RBAK: variants seen among roughly 807,000 people sequenced by gnomAD.
RBAK encodes the protein RB associated KRAB zinc finger.
Under a neutral mutation model 65.8 loss-of-function variants are expected in RBAK, and 39 were observed. That is an observed-to-expected ratio of 0.59 (90% confidence interval 0.46 to 0.77). RBAK has a LOEUF of 0.77. Ranked by LOEUF, RBAK falls within the 30% of genes least tolerant of loss-of-function variation. The pLI is 0.00. For missense variants in RBAK, 884 were observed against 855.1 expected (o/e 1.03, Z -0.42); for synonymous variants, 343 against 289.7 (o/e 1.18, Z -1.87).
intron 1 of RBAK, 57 bp from the exon 2 acceptor site, chr7:5,047,976 C>G (rs1303915875): frequency 1.1e-5 from 10 of 899,338 alleles, no homozygotes; most frequent in Non-Finnish European, 1.5e-5. Flanking sequence ...GCAGGAGATT[C>G]CTGCCTTTGC....
At chr7:5,059,422 G>T (rs908694018) in intron 4 of RBAK, among the ~76,000 whole-genome samples, 4 of 151,768 alleles carry the variant, frequency 2.6e-5, no homozygotes, top group Non-Finnish European at 5.9e-5. Flanking sequence ...CCAGGTTCAA[G>T]CGATTCCCCT....
Position 5,064,646 on chromosome 7 carries a change from G to A in RBAK, c.1190G>A (p.Gly397Glu). ...AGTGACCATCAGAGAACTCACACGG[G>A]AGAGAAGCTTTATAAATGTAATGAA... ...ALSDHQRTHTGEKLYKCNECG... is the reference protein window; with the variant it reads ...ALSDHQRTHTEEKLYKCNECG... Residue 397 changes from glycine to glutamate, a missense_variant, in exon 5 of 5, where the codon GGA becomes GAA. Physicochemically the swap from Gly to Glu is moderately conservative, Grantham distance 98 (BLOSUM62 -2). Coordinates refer to ENST00000396912, the MANE Select transcript of RBAK (RefSeq NM_021163.4). The surrounding 1 kb of genome is among the most constrained non-coding windows in gnomAD (Gnocchi z 6.3). The A allele has an allele frequency of 6.2e-7, 1 of 1,611,968 alleles. No individual in the cohort carries two copies. The highest frequency in any genetic ancestry group is 8.5e-7 in the Non-Finnish European group (1 of 1,178,426).
Position 5,046,167 on chromosome 7 carries a change from G to C in RBAK, c.-274G>C. On this transcript the variant is annotated 5_prime_UTR_variant, in exon 1 of 5. Coordinates refer to ENST00000396912, the MANE Select transcript of RBAK (RefSeq NM_021163.4). ...GGGCCTGGCCCGTGTGTGTCCTGGC[G>C]GCCTGGCCCAGGCTGCCGCTGTACG... is the stretch of plus-strand genomic sequence containing the variant. 1 of 430,914 alleles carries C rather than the reference G, an allele frequency of 2.3e-6. No individual in the cohort carries two copies. The highest frequency in any genetic ancestry group is 7.7e-4 in the Middle Eastern group (1 of 1,300). The allele number at this position is 430,914 out of a possible 1,614,324, so 26.7% of individuals were successfully genotyped here. A position where few individuals can be genotyped will look rare whatever the true frequency, so the allele number is the denominator to read the frequency against.
intron 2 of RBAK, among the ~76,000 whole-genome samples, chr7:5,053,606 G>T (rs191875138): frequency 6.6e-6 from 1 of 152,146 alleles, no homozygotes; most frequent in East Asian, 1.9e-4. Flanking sequence ...TGTATATTAG[G>T]CCACTTGAAA....
chr7:5,058,874 AC>A (rs1478675642), intron 4 of RBAK, among the ~76,000 whole-genome samples: 1 of 152,090 alleles, frequency 6.6e-6, no homozygotes. Context: ...ACCTTCTAAG[AC>A]CTTTTTTCCT....
At chr7:5,056,140 C>G (rs1437686553) in intron 2 of RBAK, among the ~76,000 whole-genome samples, 2 of 140,404 alleles carry the variant, frequency 1.4e-5, no homozygotes, top group African/African-American at 5.4e-5. Flanking sequence ...CAAGGTCTCA[C>G]TCTGTTGCCT....
intron 2 of RBAK, among the ~76,000 whole-genome samples, chr7:5,055,016 G>A (rs1048192360): frequency 6.6e-6 from 1 of 151,610 alleles, no homozygotes; most frequent in Non-Finnish European, 1.5e-5. Flanking sequence ...TCCTGACCTC[G>A]GGTGATCTGC....
intron 2 of RBAK, among the ~76,000 whole-genome samples, chr7:5,052,523 G>C (rs1386806641): frequency 2.0e-5 from 3 of 152,048 alleles, no homozygotes; most frequent in Non-Finnish European, 4.4e-5. Context: ...CTATCACACT[G>C]TTTTGTTATT....
At chr7:5,052,867 C>T (rs1014366867) in intron 2 of RBAK, among the ~76,000 whole-genome samples, 1 of 152,134 alleles carries the variant, frequency 6.6e-6, no homozygotes, top group Admixed American at 6.5e-5. Flanking sequence ...TCAAGTGATT[C>T]TCCTGCCTCA....
At chr7:5,053,447 A>G (rs1159015497) in intron 2 of RBAK, among the ~76,000 whole-genome samples, 1 of 151,942 alleles carries the variant, frequency 6.6e-6, no homozygotes, top group Non-Finnish European at 1.5e-5. Flanking sequence ...TTTGATTGCA[A>G]TATGTCATGG....
At position 5,064,006 on chromosome 7, in the gene RBAK, G is replaced by T. The variant is rs200723054; in HGVS notation, c.550G>T (p.Gly184Trp). 3.1e-6 allele frequency: 5 copies of T among 1,613,702 alleles called. No homozygotes were observed. The highest frequency in any genetic ancestry group is 4.2e-6 in the Non-Finnish European group (5 of 1,179,884). Residue 184 changes from glycine (G) to tryptophan (W), a missense_variant, in exon 5 of 5, where the codon GGG (glycine) becomes TGG (tryptophan). Coordinates refer to ENST00000396912, the MANE Select transcript of RBAK (RefSeq NM_021163.4). This position sits in a 1 kb window ranked among gnomAD's most constrained non-coding sequence, Gnocchi z 6.3. The part of the protein sequence containing the change: ...GEKMCEFNQN[G>W]DTYSHNEENI... ...GAAAATGTGTGAATTTAATCAAAATGGGGATACCTATTCTCACAATGAAGA... is the reference window on the plus strand; with the variant it reads ...GAAAATGTGTGAATTTAATCAAAATTGGGATACCTATTCTCACAATGAAGA...
Position 5,064,257 on chromosome 7 carries a change from A to G in RBAK, c.801A>G (p.Gly267=), listed in dbSNP as rs370471116. The change falls in exon 5 of 5, where the codon GGA becomes GGG. Residue 267 remains glycine, a synonymous_variant. Coordinates refer to ENST00000396912, the MANE Select transcript of RBAK (RefSeq NM_021163.4). This position sits in a 1 kb window ranked among gnomAD's most constrained non-coding sequence, Gnocchi z 6.3. ...EMKPFECSEC[G]KSFCKKSKFI... ...AGCCCTTTGAATGCAGTGAATGTGG[A>G]AAATCCTTCTGTAAAAAGTCAAAAT... 28 of 1,614,020 alleles carry G rather than the reference A, an allele frequency of 1.7e-5. No individual in the cohort carries two copies. Among genetic ancestry groups the G allele is most frequent in the Non-Finnish European group, 2.3e-5 (27 of 1,180,004 alleles).
chr7:5,057,124 T>C (rs1778938168), intron 2 of RBAK, 171 bp from the exon 3 acceptor site: 1 of 360,856 alleles, frequency 2.8e-6, no homozygotes, highest in Non-Finnish European at 4.6e-6. Context: ...TTATATATTA[T>C]GTATTATAAC....
chr7:5,064,042 C>T lies in RBAK; in HGVS notation c.586C>T (p.Gln196Ter). 1.2e-6 allele frequency: 2 copies of T among 1,612,998 alleles called. No homozygotes were observed. The highest frequency in any genetic ancestry group is 1.7e-6 in the Non-Finnish European group (2 of 1,179,712). Reference sequence around the variant, plus strand: ...TTCTCACAATGAAGAAAATATTCTTCAGAAAATTAGTATTTTGGAGAAACC... The same window carrying T: ...TTCTCACAATGAAGAAAATATTCTTTAGAAAATTAGTATTTTGGAGAAACC... ...TYSHNEENIL[Q>*]KISILEKPFE... The change falls in exon 5 of 5, where the codon CAG becomes TAG. Residue 196 changes from glutamine (Q) to a stop codon, truncating the protein, a stop_gained. Transcript: ENST00000396912. LOFTEE classifies it high-confidence loss of function. This position sits in a 1 kb window ranked among gnomAD's most constrained non-coding sequence, Gnocchi z 6.3.
chr7:5,054,125 G>T (rs1490218729), intron 2 of RBAK, among the ~76,000 whole-genome samples: 1 of 152,062 alleles, frequency 6.6e-6, no homozygotes, highest in East Asian at 1.9e-4. Context: ...CATTGCTTCA[G>T]CCCGGGCGTG....
In RBAK at chr7:5,067,260, G is replaced by T. The variant is rs146920324; in HGVS notation, c.*1659G>T. 1 of 152,166 alleles carries T rather than the reference G, an allele frequency of 6.6e-6. No homozygotes were observed. Among genetic ancestry groups the T allele is most frequent in the East Asian group, 1.9e-4 (1 of 5,186 alleles). The allele number at this position is 152,166 out of a possible 1,614,324, so 9.4% of individuals were successfully genotyped here. ...AGAAAAGAAGTAAAACTTTAAAAAC[G>T]AAAAAGAATATAAATCTCTATTTGC... On this transcript the variant is annotated 3_prime_UTR_variant, in exon 5 of 5. Coordinates refer to ENST00000396912, the MANE Select transcript of RBAK (RefSeq NM_021163.4).
At position 5,045,861 on chromosome 7, in the gene RBAK, C is replaced by G; in HGVS notation, c.-580C>G. The G allele has an allele frequency of 3.0e-6, 1 of 330,922 alleles. No individual in the cohort carries two copies. The allele number at this position is 330,922 out of a possible 1,614,324, so 20.5% of individuals were successfully genotyped here. A position where few individuals can be genotyped will look rare whatever the true frequency, so the allele number is the denominator to read the frequency against. ...TTCGCGCATGCGCGCCGCCGCTGCACTGCCCTCGCTTCCTGTGCGTCCTCA... is the reference window on the plus strand; with the variant it reads ...TTCGCGCATGCGCGCCGCCGCTGCAGTGCCCTCGCTTCCTGTGCGTCCTCA... On this transcript the variant is annotated 5_prime_UTR_variant, in exon 1 of 5. Coordinates refer to ENST00000396912, the MANE Select transcript of RBAK (RefSeq NM_021163.4).
intron 4 of RBAK, among the ~76,000 whole-genome samples, chr7:5,058,210 G>T (rs1020675800): frequency 6.6e-6 from 1 of 152,226 alleles, no homozygotes; most frequent in Middle Eastern, 3.4e-3. Flanking sequence ...AAGTAGCTGG[G>T]ATTACAGGCA....
Position 5,065,224 on chromosome 7 carries a change from A to C in RBAK, c.1768A>C (p.Thr590Pro). The change falls in exon 5 of 5, where the codon ACA becomes CCA. Residue 590 changes from threonine (T) to proline (P), a missense_variant. Physicochemically the swap from Thr to Pro is conservative, Grantham distance 38. Coordinates refer to ENST00000396912, the MANE Select transcript of RBAK (RefSeq NM_021163.4). The surrounding 1 kb of genome is among the most constrained non-coding windows in gnomAD (Gnocchi z 5.3). ...CCTCTTCAGACATCAAAGAGTACAC[A>C]CAGGCGAGAAACCCTATGAATGTTA... is the stretch of plus-strand genomic sequence containing the variant. ...SSLFRHQRVHTGEKPYECYEC... is the reference protein window; with the variant it reads ...SSLFRHQRVHPGEKPYECYEC... The C allele has an allele frequency of 6.2e-7, 1 of 1,613,662 alleles. No homozygotes were observed. The highest frequency in any genetic ancestry group is 8.5e-7 in the Non-Finnish European group (1 of 1,179,874).
Sources: allele counts gnomAD v4.1 joint callset (sites outside exome capture counted in the v4.1 genomes callset), GRCh38; gene constraint gnomAD v4.1.1; non-coding constraint Gnocchi (gnomAD v3.1); transcripts MANE v1.5; gene names NCBI Gene and HGNC (gene_info 2026-07-23, HGNC 2026-07-21).